The following TULP3 variants were observed in gnomAD, a reference collection of about 807,000 sequenced individuals.
TULP3 encodes the protein TUB like protein 3.
A neutral mutation model predicts 50.7 loss-of-function variants in TULP3; 38 were observed. That is an observed-to-expected ratio of 0.75 (90% CI 0.58 to 0.98). TULP3 has a LOEUF of 0.98. Ranked by LOEUF, TULP3 falls within the 50% of genes least tolerant of loss-of-function variation. The pLI, the probability that TULP3 is intolerant of heterozygous loss-of-function variation, is 0.00. For missense variants in TULP3, 550 were observed against 568.0 expected (o/e 0.97, Z 0.32); for synonymous variants, 183 against 196.6 (o/e 0.93, Z 0.58).
At chr12:2,936,493 G>A (rs144225485) in intron 8 of TULP3, among the ~76,000 whole-genome samples, 170 of 151,858 alleles carry the variant, frequency 1.1e-3, no homozygotes, top group African/African-American at 4.0e-3. Context: ...GCTCACTCCT[G>A]TAGTCACAGC....
chr12:2,934,932 T>C (rs567870482), intron 8 of TULP3, among the ~76,000 whole-genome samples: 1 of 152,250 alleles, frequency 6.6e-6, no homozygotes, highest in African/African-American at 2.4e-5. Flanking sequence ...TTATTTTTTT[T>C]CCTCTTTTTG....
intron 6 of TULP3, among the ~76,000 whole-genome samples, chr12:2,931,592 G>A (rs1197887692): frequency 6.6e-6 from 1 of 152,200 alleles, no homozygotes; most frequent in Non-Finnish European, 1.5e-5. Flanking sequence ...CATTGTGGAA[G>A]GAGAGTGAGT....
intron 3 of TULP3, 48 bp downstream of exon 3, chr12:2,920,970 A>T (rs1238886773): frequency 6.2e-7 from 1 of 1,606,920 alleles, no homozygotes; most frequent in Non-Finnish European, 8.5e-7. Context: ...AATTTTCACA[A>T]ACCTAGAAGG....
intron 1 of TULP3, among the ~76,000 whole-genome samples, chr12:2,903,264 T>G (rs1042492743): frequency 9.8e-5 from 15 of 152,304 alleles, no homozygotes; most frequent in African/African-American, 3.6e-4. Flanking sequence ...TTTCTTTTTT[T>G]CTATTTTGAA....
At chr12:2,893,289 T>G (rs1448458485) in intron 1 of TULP3, among the ~76,000 whole-genome samples, 1 of 151,982 alleles carries the variant, frequency 6.6e-6, no homozygotes. Flanking sequence ...GTCTCTTGCT[T>G]TTTTCTCTTT....
At position 2,920,775 on chromosome 12, in the gene TULP3, G is replaced by C. The variant is rs746235539; in HGVS notation, c.106G>C (p.Glu36Gln). ...GCTTTTTTCCCAGAGGCTACTACTT[G>C]AGAAGAGGCAAAGGAAAAAGCGCCT... ...AKLDYQRLLL[E>Q]KRQRKKRLEP... Residue 36 changes from glutamate to glutamine, a missense_variant, in exon 3 of 11, where the codon GAG becomes CAG. By Grantham distance (29) the Glu-to-Gln change is conservative. Transcript: ENST00000448120. 2 of 1,614,074 alleles carry C rather than the reference G, an allele frequency of 1.2e-6. No homozygotes were observed. The highest frequency in any genetic ancestry group is 1.7e-6 in the Non-Finnish European group (2 of 1,180,012).
At chr12:2,895,895 C>T (rs919610418) in intron 1 of TULP3, among the ~76,000 whole-genome samples, 1 of 134,376 alleles carries the variant, frequency 7.4e-6, no homozygotes, top group Non-Finnish European at 1.6e-5. Flanking sequence ...TTGGAACACA[C>T]TGGTAAGTAT....
intron 2 of TULP3, among the ~76,000 whole-genome samples, chr12:2,911,728 A>T (rs1318733095): frequency 1.9e-5 from 2 of 103,022 alleles, no homozygotes; most frequent in Non-Finnish European, 3.6e-5. Flanking sequence ...ATTTAGAGAC[A>T]TAAAATTTTA....
At chr12:2,931,461 C>T (rs571570075) in intron 6 of TULP3, among the ~76,000 whole-genome samples, 2 of 152,218 alleles carry the variant, frequency 1.3e-5, no homozygotes, top group East Asian at 1.9e-4. Context: ...GCTTTATCCA[C>T]GAAGTGGGAA....
chr12:2,934,579 A>G lies in TULP3; in HGVS notation c.924+18A>G, dbSNP rs758582694. 6.5e-7 allele frequency: 1 copy of G among 1,528,018 alleles called. No homozygotes were observed. The highest frequency in any genetic ancestry group is 2.5e-5 in the East Asian group (1 of 40,482). The allele number at this position is 1,528,018 out of a possible 1,614,324, so 94.7% of individuals were successfully genotyped here. A position where few individuals can be genotyped will look rare whatever the true frequency, so the allele number is the denominator to read the frequency against. On this transcript the variant is annotated intron_variant, in intron 8 of 10. Transcript: ENST00000448120. Reference sequence around the variant, plus strand: ...TCTCCTATGTGAGTGCTGCTTTCCCAGGGCCGCTGCCTGCCCTCCTGGTGT... The same window carrying G: ...TCTCCTATGTGAGTGCTGCTTTCCCGGGGCCGCTGCCTGCCCTCCTGGTGT...
intron 1 of TULP3, among the ~76,000 whole-genome samples, chr12:2,904,709 C>A (rs1285540901): frequency 6.6e-6 from 1 of 150,398 alleles, no homozygotes; most frequent in Non-Finnish European, 1.5e-5. Flanking sequence ...TTTTTTTTTT[C>A]CTGTAGAAAT....
Position 2,940,179 on chromosome 12 carries a change from T to G in TULP3, c.*735T>G, listed in dbSNP as rs1394794123. On this transcript the variant is annotated 3_prime_UTR_variant, in exon 11 of 11. Coordinates refer to ENST00000448120, the MANE Select transcript of TULP3 (RefSeq NM_003324.5). The stretch of plus-strand genomic sequence containing the variant: ...GACTGACAGTAATGTGATAATTGCC[T>G]TCATTTTCAACCCAGGAGTGCCTCT... The G allele has an allele frequency of 7.6e-7, 1 of 1,309,656 alleles. No homozygotes were observed. Among genetic ancestry groups the G allele is most frequent in the Non-Finnish European group, 1.0e-6 (1 of 1,002,910 alleles). The allele number at this position is 1,309,656 out of a possible 1,614,324, so 81.1% of individuals were successfully genotyped here.
intron 1 of TULP3, among the ~76,000 whole-genome samples, chr12:2,891,620 G>T (rs1262571942): frequency 6.6e-6 from 1 of 152,140 alleles, no homozygotes. Context: ...AAATCTCAGC[G>T]TGTCACTTTC....
chr12:2,905,477 C>A (rs2098181670), intron 1 of TULP3, among the ~76,000 whole-genome samples: 1 of 152,112 alleles, frequency 6.6e-6, no homozygotes, highest in African/African-American at 2.4e-5. Flanking sequence ...AGCCACCGCA[C>A]CCGGCCTTAT....
At chr12:2,909,963 A>T (rs1267821622) in intron 2 of TULP3, among the ~76,000 whole-genome samples, 1 of 152,296 alleles carries the variant, frequency 6.6e-6, no homozygotes, top group East Asian at 1.9e-4. Flanking sequence ...TTATGCGAAA[A>T]TGCATATCCG....
At chr12:2,892,176 A>G (rs2098172513) in intron 1 of TULP3, among the ~76,000 whole-genome samples, 1 of 152,134 alleles carries the variant, frequency 6.6e-6, no homozygotes, top group Non-Finnish European at 1.5e-5. Context: ...AATTGTCACA[A>G]AGTTGTTGGG....
chr12:2,922,418 G>T lies in TULP3; in HGVS notation c.394+16G>T, dbSNP rs1032346910. 10 of 1,600,464 alleles carry T rather than the reference G, an allele frequency of 6.2e-6. No homozygotes were observed. Among genetic ancestry groups the T allele is most frequent in the Non-Finnish European group, 8.5e-6 (10 of 1,176,734 alleles). On this transcript the variant is annotated intron_variant, in intron 4 of 10. Coordinates refer to ENST00000448120, the MANE Select transcript of TULP3 (RefSeq NM_003324.5). ...CAAAAGCATGGTGAGGACTGGTAAT[G>T]ATTTTAAGGCAATTTGTCTCCTTAC... is the stretch of plus-strand genomic sequence containing the variant.
At chr12:2,893,370 C>G (rs2098173440) in intron 1 of TULP3, among the ~76,000 whole-genome samples, 2 of 142,652 alleles carry the variant, frequency 1.4e-5, no homozygotes, top group Non-Finnish European at 1.5e-5. Flanking sequence ...CTCTCGTCGC[C>G]CAGGCTGGAG....
chr12:2,891,303 G>T (rs1209371054), intron 1 of TULP3, among the ~76,000 whole-genome samples: 3 of 152,180 alleles, frequency 2.0e-5, no homozygotes, highest in Non-Finnish European at 2.9e-5. Flanking sequence ...TCCCTCGGGG[G>T]AGAGGCGCTG....
Sources: gnomAD v4.1 joint callset for allele counts (sites outside exome capture counted in the v4.1 genomes callset) on GRCh38, gnomAD v4.1.1 for gene constraint, MANE v1.5 for transcripts, NCBI Gene and HGNC (gene_info 2026-07-23, HGNC 2026-07-21) for gene names.